RPTOR: variants seen among roughly 807,000 people sequenced by gnomAD.
RPTOR encodes regulatory associated protein of MTOR complex 1, also known as regulatory-associated protein of mTOR.
In RPTOR, 21 loss-of-function variants were observed where a neutral mutation model predicts 169.9. The observed-to-expected ratio is 0.12, with a 90% CI of 0.09 to 0.18. The LOEUF is 0.18. Among genes scored for constraint, RPTOR ranks in the 10% least tolerant of loss-of-function variants. The probability of loss-of-function intolerance (pLI) is 1.00; values close to 1 mark genes in which losing one functional copy is unlikely to be tolerated. For missense variants in RPTOR, 1,133 were observed against 1,855.9 expected (o/e 0.61, Z 7.16); for synonymous variants, 732 against 753.2 (o/e 0.97, Z 0.46).
At chr17:80,834,036 T>C (rs2067536609) in intron 9 of RPTOR, among the ~76,000 whole-genome samples, 4 of 152,238 alleles carry the variant, frequency 2.6e-5, no homozygotes, top group South Asian at 2.1e-4. Flanking sequence ...TAGAATTTAA[T>C]GGGTAATCTG....
intron 6 of RPTOR, among the ~76,000 whole-genome samples, chr17:80,778,657 C>T (rs543034374): frequency 5.3e-5 from 8 of 152,050 alleles, no homozygotes; most frequent in Non-Finnish European, 1.2e-4. Context: ...AAAAATTAGC[C>T]TGGTATGGTG....
At chr17:80,808,112 T>C (rs1275682439) in intron 7 of RPTOR, among the ~76,000 whole-genome samples, 1 of 149,642 alleles carries the variant, frequency 6.7e-6, no homozygotes, top group Non-Finnish European at 1.5e-5. Flanking sequence ...CTGGGCAACA[T>C]GATAAGACCC....
chr17:80,678,759 G>A (rs558781439), intron 3 of RPTOR, among the ~76,000 whole-genome samples: 19 of 152,208 alleles, frequency 1.2e-4, no homozygotes, highest in African/African-American at 2.9e-4. Context: ...AAGGAGCGGC[G>A]CCCTGGGATT....
intron 6 of RPTOR, among the ~76,000 whole-genome samples, chr17:80,781,580 G>A (rs979304248): frequency 1.1e-4 from 17 of 152,184 alleles, no homozygotes; most frequent in African/African-American, 1.7e-4. Flanking sequence ...ACGCTGTCTC[G>A]CGTGGGGCCT....
At chr17:80,654,157 T>C (rs2065662147) in intron 3 of RPTOR, among the ~76,000 whole-genome samples, 1 of 152,142 alleles carries the variant, frequency 6.6e-6, no homozygotes, top group African/African-American at 2.4e-5. Context: ...CGGGTGATGG[T>C]GGCCCCTAGG....
At chr17:80,777,113 T>C (rs2066898734) in intron 6 of RPTOR, among the ~76,000 whole-genome samples, 1 of 152,060 alleles carries the variant, frequency 6.6e-6, no homozygotes, top group Admixed American at 6.6e-5. Flanking sequence ...GGTGCACACC[T>C]GTAATCCCAT....
intron 20 of RPTOR, among the ~76,000 whole-genome samples, chr17:80,901,196 C>T (rs1405064898): frequency 1.3e-5 from 2 of 151,422 alleles, no homozygotes; most frequent in Non-Finnish European, 2.9e-5. Flanking sequence ...CGGTGGAGTA[C>T]AGGGCGAAGA....
chr17:80,945,240 C>T (rs1043461535), intron 25 of RPTOR, among the ~76,000 whole-genome samples: 7 of 152,008 alleles, frequency 4.6e-5, no homozygotes, highest in Admixed American at 3.3e-4. Context: ...CTGCAGTGAG[C>T]CATGATCACA....
intron 9 of RPTOR, among the ~76,000 whole-genome samples, chr17:80,834,701 G>A (rs956908941): frequency 6.6e-6 from 1 of 152,216 alleles, no homozygotes; most frequent in Admixed American, 6.5e-5. Flanking sequence ...TGTGCTGAGC[G>A]ATGTCTCCAG....
chr17:80,571,528 A>G lies in RPTOR; in HGVS notation c.162+25737A>G, dbSNP rs1235412740. 3.3e-5 allele frequency among the ~76,000 whole-genome samples: 5 copies of G among 152,102 alleles called. No individual in the cohort carries two copies. In the East Asian group the frequency reaches 9.7e-4, roughly 29 times the overall value. On this transcript the variant is annotated intron_variant, in intron 1 of 33. Transcript: ENST00000306801. Reference sequence around the variant, plus strand: ...TTTTGTTGGCAATAATTATCTCTTCACTTTTCTTTTGAGATCGGGTCTCAT... The same window carrying G: ...TTTTGTTGGCAATAATTATCTCTTCGCTTTTCTTTTGAGATCGGGTCTCAT...
rs775605300 is a variant in RPTOR, at chr17:80,625,688, C to T, written c.163-3C>T. 1.0e-5 allele frequency: 16 copies of T among 1,595,938 alleles called. No homozygotes were observed. The highest frequency in any genetic ancestry group is 5.0e-5 in the Admixed American group (3 of 59,966). Reference sequence around the variant, plus strand: ...TATTTATTTTTTTCTGTTGTGTTTTCAGATGAAGACAGTCAGTGTTGCCTT... The same window carrying T: ...TATTTATTTTTTTCTGTTGTGTTTTTAGATGAAGACAGTCAGTGTTGCCTT... On this transcript the variant is annotated splice_region_variant and splice_polypyrimidine_tract_variant and intron_variant, in intron 1 of 33. Transcript: ENST00000306801.
intron 9 of RPTOR, among the ~76,000 whole-genome samples, chr17:80,824,253 T>A (rs1168748152): frequency 6.6e-6 from 1 of 152,248 alleles, no homozygotes; most frequent in Admixed American, 6.5e-5. Flanking sequence ...GCATGCATGA[T>A]CTGTATCCTT....
chr17:80,870,189 A>C (rs1371318733), intron 13 of RPTOR, among the ~76,000 whole-genome samples: 1 of 152,192 alleles, frequency 6.6e-6, no homozygotes, highest in African/African-American at 2.4e-5. Flanking sequence ...ACCACCAGGG[A>C]ACTCCAAGAG....
intron 7 of RPTOR, among the ~76,000 whole-genome samples, chr17:80,821,779 G>A (rs192996834): frequency 2.0e-5 from 3 of 152,212 alleles, no homozygotes; most frequent in Non-Finnish European, 4.4e-5. Context: ...CCTTGCGGGC[G>A]AGACTCCTCC....
At chr17:80,815,563 G>A (rs1415301524) in intron 7 of RPTOR, among the ~76,000 whole-genome samples, 1 of 152,360 alleles carries the variant, frequency 6.6e-6, no homozygotes, top group Admixed American at 6.5e-5. Context: ...ACATGGCCCA[G>A]GCCTGTGGAC....
chr17:80,877,975 T>C lies in RPTOR; in HGVS notation c.1510-2440T>C, dbSNP rs200217969. ...CCTGAGAAATGGCGGGGTTAGGGGC[T>C]TCTGGGCTGCATAACCAGCAGATTC... On this transcript the variant is annotated intron_variant, in intron 13 of 33. Transcript: ENST00000306801. Among the ~76,000 whole-genome samples the C allele has an allele frequency of 2.6e-5, 4 of 152,332 alleles. No individual in the cohort carries two copies. The East Asian group carries it at 7.7e-4, about 29-fold the overall frequency.
At chr17:80,822,169 C>A (rs1320248205) in intron 7 of RPTOR, 32 bp from the exon 8 acceptor site, 2 of 1,593,332 alleles carry the variant, frequency 1.3e-6, no homozygotes, top group Admixed American at 3.3e-5. Context: ...AGAGCTGTGG[C>A]ATCACTCATG....
chr17:80,744,762 GC>G (rs1406934776), intron 5 of RPTOR, among the ~76,000 whole-genome samples: 11 of 79,694 alleles, frequency 1.4e-4, no homozygotes, highest in Admixed American at 7.4e-4. Context: ...CACTGTCCTG[GC>G]TACTAGCACT....
intron 6 of RPTOR, among the ~76,000 whole-genome samples, chr17:80,763,131 A>C (rs2066751786): frequency 6.6e-6 from 1 of 152,182 alleles, no homozygotes; most frequent in African/African-American, 2.4e-5. Flanking sequence ...CTGTGGTCTC[A>C]GTTCCTCGGG....
Sources: gnomAD v4.1 joint callset for allele counts (sites outside exome capture counted in the v4.1 genomes callset) on GRCh38, gnomAD v4.1.1 for gene constraint, MANE v1.5 for transcripts, NCBI Gene and HGNC (gene_info 2026-07-23, HGNC 2026-07-21) for gene names.